SLC1A1: variants seen among roughly 807,000 people sequenced by gnomAD.
SLC1A1 encodes the protein excitatory amino acid transporter 3.
Under a neutral mutation model 53.3 loss-of-function variants are expected in SLC1A1, and 43 were observed. The observed-to-expected ratio is 0.81, with a 90% CI of 0.63 to 1.04. SLC1A1 has a LOEUF of 1.04. Among genes scored for constraint, SLC1A1 ranks in the 50% least tolerant of loss-of-function variants. SLC1A1 has a pLI of 0.00. For synonymous variants in SLC1A1, 307 were observed against 243.2 expected (o/e 1.26, Z -2.44); for missense variants, 748 against 664.9 (o/e 1.12, Z -1.37).
Position 4,515,663 on chromosome 9 carries a change from T to C in SLC1A1, c.91+24893T>C, listed in dbSNP as rs114302158. On this transcript the variant is annotated intron_variant, in intron 1 of 11. Coordinates refer to ENST00000262352, the MANE Select transcript of SLC1A1 (RefSeq NM_004170.6). ...ACTTATCCAGCTGGCTGAGTTCCTC[T>C]AGACATCCAACTGGTTTTCACTCCT... Among the ~76,000 whole-genome samples, 788 of 152,312 alleles carry C rather than the reference T, an allele frequency of 5.2e-3. 7 individuals carry two copies. Among genetic ancestry groups the C allele is most frequent in the African/African-American group, 0.018 (743 of 41,560 alleles).
intron 1 of SLC1A1, among the ~76,000 whole-genome samples, chr9:4,525,042 G>A (rs979686417): frequency 3.3e-5 from 5 of 152,152 alleles, no homozygotes; most frequent in African/African-American, 1.2e-4. Context: ...CCCACTTACA[G>A]GCTTTAATAA....
Position 4,490,771 on chromosome 9 carries a change from G to A in SLC1A1, c.91+1G>A, listed in dbSNP as rs1177182194. 2 of 1,611,146 alleles carry A rather than the reference G, an allele frequency of 1.2e-6. No homozygotes were observed. The highest frequency in any genetic ancestry group is 2.7e-5 in the African/African-American group (2 of 74,812). On this transcript the variant is annotated splice_donor_variant, in intron 1 of 11. Coordinates refer to ENST00000262352, the MANE Select transcript of SLC1A1 (RefSeq NM_004170.6). LOFTEE classifies it high-confidence loss of function. ...TCCACCGTGGCCGCGGTGGTGCTAG[G>A]TGAGCGGCGCGGCGGGTGGGCGATG...
chr9:4,572,967 A>T (rs182465340), intron 7 of SLC1A1, among the ~76,000 whole-genome samples: 1 of 152,372 alleles, frequency 6.6e-6, no homozygotes, highest in Non-Finnish European at 1.5e-5. Flanking sequence ...GCACTCAACC[A>T]GCCTTCGTGT....
At chr9:4,529,510 C>G (rs967035770) in intron 1 of SLC1A1, among the ~76,000 whole-genome samples, 1 of 152,140 alleles carries the variant, frequency 6.6e-6, no homozygotes. Flanking sequence ...TGTAGTCACA[C>G]AGTGTGCCAT....
At chr9:4,512,503 G>A (rs1054627123) in intron 1 of SLC1A1, among the ~76,000 whole-genome samples, 3 of 151,828 alleles carry the variant, frequency 2.0e-5, no homozygotes, top group African/African-American at 7.3e-5. Context: ...GTGAGATCCT[G>A]TCTCCAAAAA....
chr9:4,524,312 C>T (rs1219849027), intron 1 of SLC1A1, among the ~76,000 whole-genome samples: 1 of 152,172 alleles, frequency 6.6e-6, no homozygotes. Context: ...TGGTGTCACA[C>T]ATCTAGTAAT....
intron 1 of SLC1A1, among the ~76,000 whole-genome samples, chr9:4,518,524 G>A (rs575425108): frequency 1.3e-5 from 2 of 152,042 alleles, no homozygotes; most frequent in South Asian, 2.1e-4. Flanking sequence ...GGGCCACTGC[G>A]CCTGGCCTAC....
chr9:4,565,931 C>T, intron 4 of SLC1A1, 116 bp from the exon 5 acceptor site: 1 of 835,418 alleles, frequency 1.2e-6, no homozygotes, highest in Non-Finnish European at 2.1e-6. Context: ...AAAGCAGGGG[C>T]CAGAAGAGAA....
intron 1 of SLC1A1, among the ~76,000 whole-genome samples, chr9:4,531,200 A>G (rs1816454347): frequency 6.6e-6 from 1 of 152,186 alleles, no homozygotes; most frequent in South Asian, 2.1e-4. Flanking sequence ...GGAGTGTCGG[A>G]AAGTGGGTGC....
At chr9:4,576,236 T>C (rs1307791449) in intron 9 of SLC1A1, 113 bp downstream of exon 9, 7 of 1,021,208 alleles carry the variant, frequency 6.9e-6, no homozygotes, top group Non-Finnish European at 1.1e-5. Context: ...CTTTGAGAAA[T>C]GACCTCCGTA....
At chr9:4,560,168 A>G (rs972433449) in intron 2 of SLC1A1, 2 of 152,262 alleles carry the variant, frequency 1.3e-5, no homozygotes, top group African/African-American at 4.8e-5. Context: ...GTCTCACAAT[A>G]AAAGCTATAC....
intron 1 of SLC1A1, among the ~76,000 whole-genome samples, chr9:4,494,848 C>G (rs1409330760): frequency 6.6e-6 from 1 of 152,050 alleles, no homozygotes. Context: ...CAATATAATA[C>G]CTAATCTTTC....
At chr9:4,517,458 G>C (rs1815891810) in intron 1 of SLC1A1, among the ~76,000 whole-genome samples, 1 of 152,190 alleles carries the variant, frequency 6.6e-6, no homozygotes, top group African/African-American at 2.4e-5. Flanking sequence ...CTGGCACGAA[G>C]AAGTCATCCA....
At chr9:4,537,593 TAAAATAAAAA>T (rs1430980146) in intron 1 of SLC1A1, among the ~76,000 whole-genome samples, 2 of 24,024 alleles carry the variant, frequency 8.3e-5, no homozygotes, top group Admixed American at 4.1e-4. Flanking sequence ...TAAAATAAAA[TAAAATAAAAA>T]AAAAAAAAAT....
chr9:4,496,453 C>T (rs1820426124), intron 1 of SLC1A1, among the ~76,000 whole-genome samples: 1 of 152,002 alleles, frequency 6.6e-6, no homozygotes, highest in Admixed American at 6.5e-5. Context: ...TGCCTGGCTT[C>T]AAGCTGTCCT....
intron 1 of SLC1A1, among the ~76,000 whole-genome samples, chr9:4,505,559 C>T (rs758714125): frequency 3.9e-5 from 6 of 152,142 alleles, no homozygotes; most frequent in Non-Finnish European, 8.8e-5. Context: ...TGGGTTGTGC[C>T]TTGTGGATTT....
At chr9:4,563,403 C>T (rs1372490643) in intron 3 of SLC1A1, among the ~76,000 whole-genome samples, 1 of 152,192 alleles carries the variant, frequency 6.6e-6, no homozygotes, top group Non-Finnish European at 1.5e-5. Flanking sequence ...AGATACTGCT[C>T]TCTTATTAGC....
intron 1 of SLC1A1, among the ~76,000 whole-genome samples, chr9:4,504,721 G>C (rs1187419735): frequency 6.6e-6 from 1 of 152,204 alleles, no homozygotes; most frequent in Non-Finnish European, 1.5e-5. Flanking sequence ...GTTATGGACA[G>C]TGCTCTTACT....
Position 4,533,966 on chromosome 9 carries a change from A to C in SLC1A1, c.92-10601A>C, listed in dbSNP as rs575571543. Among the ~76,000 whole-genome samples, 54 of 152,322 alleles carry C rather than the reference A, an allele frequency of 3.5e-4. 1 individual carries two copies. The East Asian group carries it at 0.01, about 29-fold the overall frequency. On this transcript the variant is annotated intron_variant, in intron 1 of 11. Coordinates refer to ENST00000262352, the MANE Select transcript of SLC1A1 (RefSeq NM_004170.6). ...ACCTGCTCCTGAATGACTACTGGGTACATAACGAAATGAAGGCAGAAATAA... is the reference window on the plus strand; with the variant it reads ...ACCTGCTCCTGAATGACTACTGGGTCCATAACGAAATGAAGGCAGAAATAA...
Sources: gnomAD v4.1 joint callset for allele counts (sites outside exome capture counted in the v4.1 genomes callset) on GRCh38, gnomAD v4.1.1 for gene constraint, MANE v1.5 for transcripts, NCBI Gene and HGNC (gene_info 2026-07-23, HGNC 2026-07-21) for gene names.